Variants in KIAA1217 observed in about 807,000 individuals in gnomAD.
KIAA1217 encodes sickle tail protein homolog.
Under a neutral mutation model 163.9 loss-of-function variants are expected in KIAA1217, and 88 were observed. That is an observed-to-expected ratio of 0.54 (90% confidence interval 0.45 to 0.64). KIAA1217 has a LOEUF of 0.64. Ranked by LOEUF, KIAA1217 falls within the 30% of genes least tolerant of loss-of-function variation. The probability of loss-of-function intolerance (pLI) is 0.00; values close to 1 mark genes in which losing one functional copy is unlikely to be tolerated. For synonymous variants in KIAA1217, 903 were observed against 923.1 expected (o/e 0.98, Z 0.39); for missense variants, 2,372 against 2,475.0 (o/e 0.96, Z 0.88).
intron 1 of KIAA1217, among the ~76,000 whole-genome samples, chr10:23,909,641 G>T (rs1003088426): frequency 2.0e-5 from 3 of 152,108 alleles, no homozygotes; most frequent in African/African-American, 7.2e-5. Context: ...TTTTATGGCT[G>T]CATAGTATTC....
chr10:24,111,690 GA>G (rs146780930), intron 2 of KIAA1217, among the ~76,000 whole-genome samples: 4,831 of 151,018 alleles, frequency 0.032, 249 homozygotes, highest in African/African-American at 0.11. Flanking sequence ...TCTGCAGGCA[GA>G]AAAAAAAATC....
At chr10:23,746,338 T>G (rs1169994437) in intron 1 of KIAA1217, among the ~76,000 whole-genome samples, 1 of 152,216 alleles carries the variant, frequency 6.6e-6, no homozygotes, top group East Asian at 1.9e-4. Flanking sequence ...GCTGGTGCCT[T>G]GCTTCTTGAA....
chr10:24,368,607 C>T (rs181194024), intron 2 of KIAA1217, among the ~76,000 whole-genome samples: 4 of 152,096 alleles, frequency 2.6e-5, no homozygotes, highest in Admixed American at 2.6e-4. Flanking sequence ...GGTGATCTTC[C>T]CCCTTTAGTG....
intron 1 of KIAA1217, among the ~76,000 whole-genome samples, chr10:23,903,203 A>AT (rs1477912858): frequency 6.6e-6 from 1 of 152,092 alleles, no homozygotes; most frequent in African/African-American, 2.4e-5. Context: ...AATCTATTCC[A>AT]TTTTTGGTAT....
At chr10:23,895,945 G>A (rs1205332171) in intron 1 of KIAA1217, among the ~76,000 whole-genome samples, 1 of 138,964 alleles carries the variant, frequency 7.2e-6, no homozygotes, top group Non-Finnish European at 1.5e-5. Flanking sequence ...TGAACAATGA[G>A]AACACATGGA....
chr10:24,493,337 G>A (rs2133748880), intron 6 of KIAA1217, among the ~76,000 whole-genome samples: 1 of 152,292 alleles, frequency 6.6e-6, no homozygotes, highest in South Asian at 2.1e-4. Flanking sequence ...CTCACTCATG[G>A]GAGATAACAG....
chr10:23,942,331 G>A (rs1349650592), intron 1 of KIAA1217, among the ~76,000 whole-genome samples: 1 of 152,058 alleles, frequency 6.6e-6, no homozygotes, highest in African/African-American at 2.4e-5. Flanking sequence ...GAACAATGAG[G>A]AATACCAGAA....
chr10:24,507,522 T>C (rs949789733), intron 9 of KIAA1217, among the ~76,000 whole-genome samples: 1 of 152,156 alleles, frequency 6.6e-6, no homozygotes, highest in Admixed American at 6.5e-5. Context: ...CCAAATGTGC[T>C]TAACAGAAGA....
intron 2 of KIAA1217, among the ~76,000 whole-genome samples, chr10:24,147,458 A>G (rs1015477565): frequency 1.1e-4 from 16 of 152,320 alleles, no homozygotes; most frequent in Admixed American, 4.6e-4. Context: ...TTTAGAGAGT[A>G]GATTGTCCAA....
intron 2 of KIAA1217, among the ~76,000 whole-genome samples, chr10:24,228,562 C>T (rs1317378572): frequency 2.0e-5 from 3 of 152,116 alleles, no homozygotes; most frequent in African/African-American, 7.2e-5. Context: ...TGCGATCATG[C>T]CATCTCAACA....
intron 2 of KIAA1217, among the ~76,000 whole-genome samples, chr10:24,190,969 G>A (rs947386723): frequency 2.0e-5 from 3 of 152,084 alleles, no homozygotes; most frequent in Non-Finnish European, 2.9e-5. Flanking sequence ...CAAGGCTGGC[G>A]AATCATTTGA....
chr10:24,027,731 G>T (rs1848023441), intron 2 of KIAA1217, among the ~76,000 whole-genome samples: 1 of 151,930 alleles, frequency 6.6e-6, no homozygotes. Context: ...ATTTTAATAG[G>T]TTTTATTTCA....
intron 6 of KIAA1217, among the ~76,000 whole-genome samples, chr10:24,477,812 T>A (rs2064208517): frequency 6.6e-6 from 1 of 152,124 alleles, no homozygotes; most frequent in Non-Finnish European, 1.5e-5. Flanking sequence ...AACAGGAACA[T>A]CAGAAACAAT....
chr10:23,712,771 A>T (rs1425762760), intron 1 of KIAA1217, among the ~76,000 whole-genome samples: 2 of 152,152 alleles, frequency 1.3e-5, no homozygotes, highest in African/African-American at 4.8e-5. Flanking sequence ...TGTCACTGTT[A>T]TCTAATTACT....
chr10:23,715,033 G>C (rs890440886), intron 1 of KIAA1217, among the ~76,000 whole-genome samples: 1 of 152,230 alleles, frequency 6.6e-6, no homozygotes, highest in Non-Finnish European at 1.5e-5. Context: ...TGGTAAGTAT[G>C]TGTTTATGAT....
intron 11 of KIAA1217, 112 bp from the exon 12 acceptor site, chr10:24,521,670 C>T (rs1254802177): frequency 2.3e-6 from 3 of 1,316,454 alleles, no homozygotes; most frequent in Non-Finnish European, 3.1e-6. Context: ...GATGTGTGAG[C>T]CACCCTGTGG....
chr10:23,834,733 G>A (rs1330731658), intron 1 of KIAA1217, among the ~76,000 whole-genome samples: 2 of 151,994 alleles, frequency 1.3e-5, no homozygotes, highest in African/African-American at 4.8e-5. Context: ...TAAATGGATT[G>A]CATGTGGGTT....
chr10:24,337,590 TTTTTCTTTTCTTTTC>T (rs774132476), intron 2 of KIAA1217, among the ~76,000 whole-genome samples: 1,711 of 134,446 alleles, frequency 0.013, 61 homozygotes, highest in Middle Eastern at 0.048. Flanking sequence ...TTGTGTGGTT[TTTTTCTTTTCTTTTC>T]TTTTCTTTTC....
intron 2 of KIAA1217, among the ~76,000 whole-genome samples, chr10:24,235,787 G>T (rs142800385): frequency 1.3e-5 from 2 of 152,084 alleles, no homozygotes; most frequent in Admixed American, 1.3e-4. Flanking sequence ...TGTTAACTCC[G>T]TATCTCGGAG....
Sources: gnomAD v4.1 joint callset for allele counts (sites outside exome capture counted in the v4.1 genomes callset) on GRCh38, gnomAD v4.1.1 for gene constraint, MANE v1.5 for transcripts, NCBI Gene and HGNC (gene_info 2026-07-23, HGNC 2026-07-21) for gene names.